Variants in JAK2 observed in about 807,000 individuals in gnomAD.
JAK2 encodes the protein Janus kinase 2.
JAK2 carries 86 observed loss-of-function variants against 139.3 expected under a neutral mutation model. That is an observed-to-expected ratio of 0.62 (90% CI 0.52 to 0.74). The LOEUF (loss-of-function observed/expected upper bound fraction) is 0.74, where lower values mean the gene tolerates loss of function less well. Among genes scored for constraint, JAK2 ranks in the 30% least tolerant of loss-of-function variants. The pLI is 0.00. For missense variants in JAK2, 1,421 were observed against 1,360.3 expected, an observed-to-expected ratio of 1.04 and a Z score of -0.70; for synonymous variants, 490 against 437.7, an observed-to-expected ratio of 1.12 and a Z score of -1.49.
At chr9:5,041,070 G>A (rs1410128999) in intron 4 of JAK2, 2 of 694,598 alleles carry the variant, frequency 2.9e-6, no homozygotes, top group Admixed American at 2.1e-5. Context: ...CGTCCCTCAG[G>A]TCTACTACCT....
rs868134160 is a variant in JAK2, at chr9:5,054,726, A to G, written c.778A>G (p.Thr260Ala). ...ACTTAAGTATCTTATAAATCTGGAA[A>G]CTCTGCAGTCTGCCTTCTACACAGA... ...LKLKYLINLETLQSAFYTEKF... is the reference protein window; with the variant it reads ...LKLKYLINLEALQSAFYTEKF... The change falls in exon 7 of 25, where the codon ACT becomes GCT. Residue 260 changes from threonine to alanine, a missense_variant. Thr to Ala is a moderately conservative substitution (Grantham distance 58). Coordinates refer to ENST00000381652, the MANE Select transcript of JAK2 (RefSeq NM_004972.4). This position sits in a 1 kb window ranked among gnomAD's most constrained non-coding sequence, Gnocchi z 4.9. The G allele has an allele frequency of 6.2e-7, 1 of 1,613,338 alleles. No homozygotes were observed. The highest frequency in any genetic ancestry group is 1.3e-5 in the African/African-American group (1 of 74,978).
intron 22 of JAK2, among the ~76,000 whole-genome samples, chr9:5,102,181 T>C (rs1472687228): frequency 6.6e-6 from 1 of 152,102 alleles, no homozygotes; most frequent in Non-Finnish European, 1.5e-5. Flanking sequence ...ATAAACAGTG[T>C]AGAGAAGACC....
rs1819577040 is a variant in JAK2, at chr9:5,080,036, G to A, written c.2132-193G>A. On this transcript the variant is annotated intron_variant, in intron 16 of 24. Coordinates refer to ENST00000381652, the MANE Select transcript of JAK2 (RefSeq NM_004972.4). ...TTGTCATTGTTAAAGATGAAATATT[G>A]AATTAGATGATCTTGAAGGTCCCTT... Among the ~76,000 whole-genome samples the A allele has an allele frequency of 2.6e-5, 4 of 152,234 alleles. 1 individual carries two copies. The South Asian group carries it at 8.3e-4, about 32-fold the overall frequency.
chr9:5,127,736 A>ATAGAT lies in JAK2; in HGVS notation c.*952_*956dup, dbSNP rs1242843196. ...ACTAAATTTAAGCTTAAGCCATAAAATAGATTAGATTGTTTTTTAAAAATG... is the reference window on the plus strand; with the variant it reads ...ACTAAATTTAAGCTTAAGCCATAAAATAGATTAGATTAGATTGTTTTTTAAAAATG... On this transcript the variant is annotated 3_prime_UTR_variant, in exon 25 of 25. Transcript: ENST00000381652. The ATAGAT allele has an allele frequency of 1.3e-5, 3 of 232,492 alleles. No homozygotes were observed. The highest frequency in any genetic ancestry group is 1.8e-4 in the South Asian group (1 of 5,520). The allele number at this position is 232,492 out of a possible 1,614,324, so 14.4% of individuals were successfully genotyped here.
At chr9:4,998,018 AATC>A (rs1258931352) in intron 2 of JAK2, among the ~76,000 whole-genome samples, 3 of 152,224 alleles carry the variant, frequency 2.0e-5, no homozygotes, top group Non-Finnish European at 4.4e-5. Context: ...GTATTTTAAA[AATC>A]ATTATGAGCT....
chr9:5,012,700 C>T (rs773026329), intron 2 of JAK2, among the ~76,000 whole-genome samples: 3 of 152,098 alleles, frequency 2.0e-5, no homozygotes, highest in East Asian at 1.9e-4. Context: ...AAGAATAGAT[C>T]GTTTGACAAG....
intron 19 of JAK2, among the ~76,000 whole-genome samples, chr9:5,084,778 A>C (rs76614483): frequency 0.01 from 1,546 of 152,334 alleles, 26 homozygotes; most frequent in African/African-American, 0.035. Context: ...AGACACCTCA[A>C]TTAGAATTTA....
intron 22 of JAK2, among the ~76,000 whole-genome samples, chr9:5,121,140 A>G (rs1001644661): frequency 5.3e-5 from 8 of 152,156 alleles, no homozygotes; most frequent in African/African-American, 1.7e-4. Flanking sequence ...GTATAATTGA[A>G]AACAAAATCT....
intron 2 of JAK2, among the ~76,000 whole-genome samples, chr9:4,999,158 G>A (rs1820784715): frequency 6.6e-6 from 1 of 152,152 alleles, no homozygotes; most frequent in Non-Finnish European, 1.5e-5. Context: ...CCTGTCATGT[G>A]TGTACTTCTG....
chr9:5,061,721 G>A (rs1390978024), intron 8 of JAK2, among the ~76,000 whole-genome samples: 1 of 152,206 alleles, frequency 6.6e-6, no homozygotes, highest in Non-Finnish European at 1.5e-5. Flanking sequence ...AGCACTTTCA[G>A]TTTCCCTCAA....
intron 2 of JAK2, among the ~76,000 whole-genome samples, chr9:5,010,095 A>T (rs532362816): frequency 6.6e-6 from 1 of 152,024 alleles, no homozygotes; most frequent in Admixed American, 6.6e-5. Flanking sequence ...AATAGAGTCT[A>T]TTTCCTCTAC....
intron 22 of JAK2, among the ~76,000 whole-genome samples, chr9:5,122,746 A>C (rs1050689126): frequency 6.6e-6 from 1 of 152,016 alleles, no homozygotes; most frequent in African/African-American, 2.4e-5. Flanking sequence ...AGTAGATGTC[A>C]GCATAAACCG....
At chr9:5,000,858 A>G (rs1368977622) in intron 2 of JAK2, among the ~76,000 whole-genome samples, 1 of 152,136 alleles carries the variant, frequency 6.6e-6, no homozygotes, top group Non-Finnish European at 1.5e-5. Flanking sequence ...TTGATAACGT[A>G]TTGGTTGGTT....
intron 22 of JAK2, among the ~76,000 whole-genome samples, chr9:5,116,042 A>G (rs1564021013): frequency 6.6e-6 from 1 of 152,144 alleles, no homozygotes; most frequent in African/African-American, 2.4e-5. Flanking sequence ...ATGTATCCCA[A>G]AACTTAAAGT....
At chr9:5,099,280 A>T (rs1194652962) in intron 22 of JAK2, 1 of 152,196 alleles carries the variant, frequency 6.6e-6, no homozygotes, top group African/African-American at 2.4e-5. Context: ...CTATTGTCCT[A>T]GAACTAATCC....
chr9:5,068,659 G>A (rs1277137373), intron 10 of JAK2, among the ~76,000 whole-genome samples: 1 of 152,230 alleles, frequency 6.6e-6, no homozygotes, highest in African/African-American at 2.4e-5. Context: ...GCAGTGGCAG[G>A]AGCTGAGATT....
At chr9:5,108,718 T>C (rs1229366655) in intron 22 of JAK2, 1 of 151,946 alleles carries the variant, frequency 6.6e-6, no homozygotes, top group Non-Finnish European at 1.5e-5. Flanking sequence ...ACACTATCCC[T>C]ATGAGGGATA....
At chr9:5,111,706 C>A (rs964659109) in intron 22 of JAK2, 1 of 430,166 alleles carries the variant, frequency 2.3e-6, no homozygotes, top group Non-Finnish European at 4.6e-6. Flanking sequence ...GCACGTTTGG[C>A]GGCCTGCACC....
intron 16 of JAK2, among the ~76,000 whole-genome samples, chr9:5,079,591 T>C (rs574425386): frequency 1.3e-5 from 2 of 152,174 alleles, no homozygotes; most frequent in Non-Finnish European, 2.9e-5. Context: ...TACTTACGCA[T>C]TATGAAGAAA....
Sources: allele counts gnomAD v4.1 joint callset (sites outside exome capture counted in the v4.1 genomes callset), GRCh38; gene constraint gnomAD v4.1.1; non-coding constraint Gnocchi (gnomAD v3.1); transcripts MANE v1.5; gene names NCBI Gene and HGNC (gene_info 2026-07-23, HGNC 2026-07-21).